RGS7: variants seen among roughly 807,000 people sequenced by gnomAD.
RGS7 encodes regulator of G-protein signaling 7.
A neutral mutation model predicts 81.1 loss-of-function variants in RGS7; 27 were observed. The ratio of observed to expected loss-of-function variants is 0.33; its 90% CI spans 0.25 to 0.46. RGS7 has a LOEUF of 0.46. Ranked by LOEUF, RGS7 falls within the 20% of genes least tolerant of loss-of-function variation. RGS7 has a pLI of 1.00. For missense variants in RGS7, 396 were observed against 607.4 expected (o/e 0.65, Z 3.66); for synonymous variants, 208 against 207.7 (o/e 1.00, Z -0.01).
At chr1:240,980,630 T>G (rs938469772) in intron 4 of RGS7, among the ~76,000 whole-genome samples, 6 of 152,196 alleles carry the variant, frequency 3.9e-5, no homozygotes, top group African/African-American at 1.4e-4. Context: ...GTAACTTTCA[T>G]AATATCAGCT....
At chr1:240,901,567 A>G (rs1024694658) in intron 6 of RGS7, among the ~76,000 whole-genome samples, 4 of 152,218 alleles carry the variant, frequency 2.6e-5, no homozygotes, top group African/African-American at 9.6e-5. Flanking sequence ...GATTCCTGAC[A>G]TCATACTTAC....
At chr1:241,254,739 T>C (rs2076985811) in intron 2 of RGS7, among the ~76,000 whole-genome samples, 2 of 152,354 alleles carry the variant, frequency 1.3e-5, no homozygotes, top group Middle Eastern at 6.8e-3. Flanking sequence ...CTATTTATTC[T>C]CAGAATAATG....
At chr1:240,795,999 TG>T (rs1687001906) in intron 18 of RGS7, among the ~76,000 whole-genome samples, 1 of 152,124 alleles carries the variant, frequency 6.6e-6, no homozygotes, top group African/African-American at 2.4e-5. Flanking sequence ...GTTGCCCAGG[TG>T]GTTCTTGAAC....
At chr1:241,104,682 G>A (rs1268148406) in intron 2 of RGS7, among the ~76,000 whole-genome samples, 1 of 152,170 alleles carries the variant, frequency 6.6e-6, no homozygotes, top group East Asian at 1.9e-4. Flanking sequence ...TTAAACAAGT[G>A]TATTTTACAA....
At chr1:241,243,146 TGAA>T (rs1172817828) in intron 2 of RGS7, among the ~76,000 whole-genome samples, 1 of 152,228 alleles carries the variant, frequency 6.6e-6, no homozygotes, top group Non-Finnish European at 1.5e-5. Flanking sequence ...CACATTTAAC[TGAA>T]GAAGCAGAAT....
chr1:240,805,747 A>C (rs1378628861), intron 15 of RGS7, among the ~76,000 whole-genome samples: 4 of 152,294 alleles, frequency 2.6e-5, no homozygotes, highest in Non-Finnish European at 4.4e-5. Flanking sequence ...TCAGAGTCTT[A>C]GAATGTCTAC....
At chr1:241,080,681 T>C (rs2063082083) in intron 3 of RGS7, among the ~76,000 whole-genome samples, 1 of 152,198 alleles carries the variant, frequency 6.6e-6, no homozygotes, top group Non-Finnish European at 1.5e-5. Flanking sequence ...AAATATACCA[T>C]TTTTTTCTTG....
chr1:241,315,410 G>T (rs1573637103), intron 2 of RGS7, among the ~76,000 whole-genome samples: 1 of 151,798 alleles, frequency 6.6e-6, no homozygotes, highest in African/African-American at 2.4e-5. Flanking sequence ...AGAATAGGGG[G>T]AAAATACATT....
chr1:241,076,372 T>C (rs2062800950), intron 3 of RGS7, among the ~76,000 whole-genome samples: 1 of 152,142 alleles, frequency 6.6e-6, no homozygotes, highest in South Asian at 2.1e-4. Context: ...CTGTCTTACA[T>C]TCCTCCCTAA....
intron 2 of RGS7, among the ~76,000 whole-genome samples, chr1:241,306,393 T>G (rs1246610772): frequency 1.8e-5 from 2 of 112,650 alleles, no homozygotes; most frequent in Non-Finnish European, 3.8e-5. Flanking sequence ...CCTTACACCC[T>G]TACACACACC....
chr1:240,890,306 C>T (rs1292324954), intron 6 of RGS7, among the ~76,000 whole-genome samples: 1 of 152,082 alleles, frequency 6.6e-6, no homozygotes, highest in Admixed American at 6.6e-5. Context: ...GCGTGCGCCA[C>T]CACACCCAGC....
intron 3 of RGS7, among the ~76,000 whole-genome samples, chr1:241,082,569 G>A (rs2063196052): frequency 1.3e-5 from 2 of 152,170 alleles, no homozygotes; most frequent in Non-Finnish European, 2.9e-5. Flanking sequence ...TAGAGGCTGG[G>A]AAGGGTGAGG....
intron 2 of RGS7, among the ~76,000 whole-genome samples, chr1:241,296,554 A>G (rs1331405297): frequency 2.0e-5 from 3 of 152,242 alleles, no homozygotes; most frequent in African/African-American, 7.2e-5. Context: ...CTGGAGTCCA[A>G]TATCCTAAGT....
chr1:241,170,219 C>T (rs12065970), intron 2 of RGS7, among the ~76,000 whole-genome samples: 23,919 of 151,958 alleles, frequency 0.16, 2,782 homozygotes, highest in African/African-American at 0.32. Flanking sequence ...GTCACCACTC[C>T]GACTTTTGCT....
chr1:241,210,457 C>T (rs1161598817), intron 2 of RGS7, among the ~76,000 whole-genome samples: 2 of 152,112 alleles, frequency 1.3e-5, no homozygotes, highest in African/African-American at 4.8e-5. Flanking sequence ...TCCAGGAATG[C>T]AACCATTTTT....
intron 6 of RGS7, among the ~76,000 whole-genome samples, chr1:240,891,833 G>A (rs1020428030): frequency 6.6e-6 from 1 of 152,204 alleles, no homozygotes; most frequent in Admixed American, 6.5e-5. Context: ...CTCCTGTGAA[G>A]TTCAGGGTAG....
rs1296764955 is a variant in RGS7, at chr1:240,877,991, A to G, written c.386-7872T>C. Among the ~76,000 whole-genome samples, 3 of 151,992 alleles carry G rather than the reference A, an allele frequency of 2.0e-5. 1 individual carries two copies. Among genetic ancestry groups the G allele is most frequent in the Non-Finnish European group, 2.9e-5 (2 of 67,994 alleles). ...CCCTCCCTTTTATCTACTACTTCCCATCTCATCTCTCTCTAGGAAAAGCCA... is the reference window on the plus strand; with the variant it reads ...CCCTCCCTTTTATCTACTACTTCCCGTCTCATCTCTCTCTAGGAAAAGCCA... On this transcript the variant is annotated intron_variant, in intron 6 of 18. Transcript: ENST00000440928.
intron 9 of RGS7, among the ~76,000 whole-genome samples, chr1:240,832,379 G>A (rs1397488107): frequency 6.6e-6 from 1 of 152,064 alleles, no homozygotes; most frequent in African/African-American, 2.4e-5. Flanking sequence ...AACTAAGCTG[G>A]GTTGCAACAT....
chr1:241,008,954 T>C (rs1334729779), intron 3 of RGS7, among the ~76,000 whole-genome samples: 2 of 150,218 alleles, frequency 1.3e-5, no homozygotes, highest in Non-Finnish European at 3.0e-5. Context: ...GATTATGACA[T>C]TCAGTCATAA....
Sources: gnomAD v4.1 joint callset for allele counts (sites outside exome capture counted in the v4.1 genomes callset) on GRCh38, gnomAD v4.1.1 for gene constraint, MANE v1.5 for transcripts, NCBI Gene and HGNC (gene_info 2026-07-23, HGNC 2026-07-21) for gene names.